Variants in QTMAN observed in about 807,000 individuals in gnomAD.
QTMAN encodes the protein queuosine-tRNA mannosyltransferase.
chr2:143,989,695 G>A, the QTMAN span, among the ~76,000 whole-genome samples: 5 of 151,922 alleles, frequency 3.3e-5, no homozygotes, highest in Admixed American at 2.0e-4. Context: ...ATACACACAC[G>A]TACACATATA....
At chr2:144,105,484 A>G in the QTMAN span, among the ~76,000 whole-genome samples, 1 of 152,256 alleles carries the variant, frequency 6.6e-6, no homozygotes. Flanking sequence ...CGATTCAATC[A>G]ACTGGAAGAA....
the QTMAN span, among the ~76,000 whole-genome samples, chr2:144,156,375 G>A: frequency 6.6e-6 from 1 of 152,016 alleles, no homozygotes; most frequent in Non-Finnish European, 1.5e-5. Flanking sequence ...ACTGTACTAT[G>A]TACAGTAGGC....
the QTMAN span, among the ~76,000 whole-genome samples, chr2:143,983,574 G>A: frequency 6.8e-6 from 1 of 146,268 alleles, no homozygotes; most frequent in African/African-American, 2.5e-5. Context: ...CCGGGTTCAC[G>A]CCATTCTCCT....
chr2:143,975,339 A>G, the QTMAN span, among the ~76,000 whole-genome samples: 1 of 152,124 alleles, frequency 6.6e-6, no homozygotes, highest in African/African-American at 2.4e-5. Context: ...ATTTTTCCAC[A>G]TAACTTCATA....
chr2:144,136,197 C>T, the QTMAN span, among the ~76,000 whole-genome samples: 2 of 151,650 alleles, frequency 1.3e-5, no homozygotes, highest in Non-Finnish European at 2.9e-5. Flanking sequence ...TGTGGAGATA[C>T]CCACCTGCAG....
At chr2:143,991,763 C>T in the QTMAN span, among the ~76,000 whole-genome samples, 17 of 144,792 alleles carry the variant, frequency 1.2e-4, no homozygotes, top group Middle Eastern at 8.0e-3. Context: ...CCCCGCCAGC[C>T]GCCCCGTCTG....
the QTMAN span, among the ~76,000 whole-genome samples, chr2:144,259,484 T>C: frequency 1.3e-5 from 2 of 152,150 alleles, no homozygotes; most frequent in Non-Finnish European, 2.9e-5. Flanking sequence ...TGAAGCCAAC[T>C]GGATTTATTA....
chr2:144,251,705 T>G, the QTMAN span, among the ~76,000 whole-genome samples: 1 of 151,922 alleles, frequency 6.6e-6, no homozygotes, highest in African/African-American at 2.4e-5. Context: ...ACATGATCCA[T>G]GACAAAAAAA....
At chr2:143,984,493 G>A in the QTMAN span, among the ~76,000 whole-genome samples, 1 of 152,204 alleles carries the variant, frequency 6.6e-6, no homozygotes, top group Admixed American at 6.5e-5. Context: ...GGTGCTAAGA[G>A]TTTCCCTGTG....
the QTMAN span, chr2:144,007,440 G>C: frequency 3.1e-6 from 5 of 1,613,156 alleles, no homozygotes; most frequent in East Asian, 8.9e-5. Context: ...TCTCTGCTCT[G>C]GCTGAAAAGG....
chr2:144,280,311 T>C, the QTMAN span, among the ~76,000 whole-genome samples: 1 of 152,170 alleles, frequency 6.6e-6, no homozygotes, highest in African/African-American at 2.4e-5. Context: ...AATAGAAGCT[T>C]GTGTTGTTAA....
At chr2:143,972,127 T>C in the QTMAN span, among the ~76,000 whole-genome samples, 1 of 152,142 alleles carries the variant, frequency 6.6e-6, no homozygotes, top group Non-Finnish European at 1.5e-5. Flanking sequence ...CATTGGGAAG[T>C]TTCTGGATAG....
the QTMAN span, among the ~76,000 whole-genome samples, chr2:144,053,953 C>T: frequency 1.3e-5 from 2 of 151,820 alleles, no homozygotes; most frequent in Non-Finnish European, 2.9e-5. Flanking sequence ...TTTGGGAGGC[C>T]GAGGCAGGCA....
the QTMAN span, among the ~76,000 whole-genome samples, chr2:144,018,857 G>C: frequency 6.6e-6 from 1 of 152,164 alleles, no homozygotes; most frequent in South Asian, 2.1e-4. Context: ...CCCAGCCCTA[G>C]AAAGGGAGTT....
chr2:143,984,690 T>TC, the QTMAN span, among the ~76,000 whole-genome samples: 70 of 152,028 alleles, frequency 4.6e-4, no homozygotes, highest in Non-Finnish European at 8.7e-4. Context: ...GACCCTAAAC[T>TC]CAGTGGACAC....
At chr2:144,182,850 A>T in the QTMAN span, among the ~76,000 whole-genome samples, 8 of 61,138 alleles carry the variant, frequency 1.3e-4, no homozygotes, top group Admixed American at 2.6e-4. Flanking sequence ...TTATATATAT[A>T]TTTTATATAT....
the QTMAN span, among the ~76,000 whole-genome samples, chr2:143,998,223 A>G: frequency 6.6e-6 from 1 of 152,124 alleles, no homozygotes; most frequent in Non-Finnish European, 1.5e-5. Context: ...AAGGACAGCA[A>G]AAAGAGAAAT....
the QTMAN span, among the ~76,000 whole-genome samples, chr2:144,210,424 A>G: frequency 6.6e-6 from 1 of 152,218 alleles, no homozygotes; most frequent in Non-Finnish European, 1.5e-5. Flanking sequence ...TACCATTTTA[A>G]GTTCAGTAAT....
the QTMAN span, among the ~76,000 whole-genome samples, chr2:144,083,718 G>C: frequency 1.3e-5 from 2 of 152,096 alleles, no homozygotes; most frequent in Non-Finnish European, 2.9e-5. Context: ...ATCCCAGGTG[G>C]ACATCAGATG....
Sources: allele counts gnomAD v4.1 joint callset (sites outside exome capture counted in the v4.1 genomes callset), GRCh38; gene constraint gnomAD v4.1.1; transcripts MANE v1.5; gene names NCBI Gene and HGNC (gene_info 2026-07-23, HGNC 2026-07-21).